Variants in KCNMA1 observed in about 807,000 individuals in gnomAD.
KCNMA1 encodes potassium calcium-activated channel subfamily M alpha 1.
Under a neutral mutation model 140.0 loss-of-function variants are expected in KCNMA1, and 29 were observed. That is an observed-to-expected ratio of 0.21 (90% CI 0.15 to 0.28). KCNMA1 has a LOEUF of 0.28. KCNMA1 is among the 10% of genes least tolerant of loss of function. The probability of loss-of-function intolerance (pLI) is 1.00; values close to 1 mark genes in which losing one functional copy is unlikely to be tolerated. For missense variants in KCNMA1, 880 were observed against 1,602.2 expected (o/e 0.55, Z 7.70); for synonymous variants, 612 against 611.9 (o/e 1.00, Z 0.00).
intron 9 of KCNMA1, among the ~76,000 whole-genome samples, chr10:77,092,699 G>T (rs1227966935): frequency 1.3e-5 from 2 of 152,348 alleles, no homozygotes; most frequent in East Asian, 3.9e-4. Flanking sequence ...GCATTGTAAA[G>T]TTCGAAGTTC....
chr10:77,157,809 C>T (rs1162345958), intron 5 of KCNMA1, among the ~76,000 whole-genome samples: 2 of 152,172 alleles, frequency 1.3e-5, no homozygotes, highest in Non-Finnish European at 2.9e-5. Context: ...GCCCCACTGC[C>T]TTTAATGGGA....
chr10:77,305,814 G>A (rs1421930671), intron 2 of KCNMA1, among the ~76,000 whole-genome samples: 2 of 152,152 alleles, frequency 1.3e-5, no homozygotes, highest in African/African-American at 4.8e-5. Flanking sequence ...CAAGAGTCCT[G>A]AGGCTCTGCG....
chr10:77,471,014 A>G (rs1275076767), intron 1 of KCNMA1, among the ~76,000 whole-genome samples: 1 of 152,022 alleles, frequency 6.6e-6, no homozygotes, highest in African/African-American at 2.4e-5. Context: ...CACAACACAC[A>G]TGTAACACAA....
intron 5 of KCNMA1, among the ~76,000 whole-genome samples, chr10:77,146,075 C>T (rs574541669): frequency 2.0e-5 from 3 of 152,260 alleles, no homozygotes; most frequent in South Asian, 2.1e-4. Context: ...ATTGGGGATA[C>T]AAATGTGATT....
intron 20 of KCNMA1, among the ~76,000 whole-genome samples, chr10:76,963,519 G>A (rs2072566824): frequency 6.6e-6 from 1 of 152,198 alleles, no homozygotes; most frequent in Admixed American, 6.5e-5. Flanking sequence ...TAAGGCTGTA[G>A]TTCTATTCAG....
chr10:77,119,880 C>T (rs568257978), intron 6 of KCNMA1, among the ~76,000 whole-genome samples: 5 of 152,186 alleles, frequency 3.3e-5, no homozygotes, highest in Admixed American at 2.0e-4. Context: ...AGAGAGGAAA[C>T]CAATTTGGAA....
At chr10:77,433,229 T>G (rs2097188363) in intron 1 of KCNMA1, among the ~76,000 whole-genome samples, 1 of 152,212 alleles carries the variant, frequency 6.6e-6, no homozygotes, top group Non-Finnish European at 1.5e-5. Flanking sequence ...CTCCGCTCAC[T>G]GCAACATCCA....
chr10:76,983,997 A>C (rs2080402933), intron 19 of KCNMA1, among the ~76,000 whole-genome samples: 1 of 152,182 alleles, frequency 6.6e-6, no homozygotes, highest in South Asian at 2.1e-4. Flanking sequence ...TTTTGCTTGC[A>C]CATTTGATTT....
intron 5 of KCNMA1, among the ~76,000 whole-genome samples, chr10:77,139,919 G>C (rs190615444): frequency 6.6e-6 from 1 of 152,120 alleles, no homozygotes; most frequent in Admixed American, 6.5e-5. Flanking sequence ...ATTATCGATA[G>C]GTCCAAATGC....
chr10:77,582,144 A>G (rs950815837), intron 1 of KCNMA1, among the ~76,000 whole-genome samples: 1 of 152,222 alleles, frequency 6.6e-6, no homozygotes, highest in Non-Finnish European at 1.5e-5. Context: ...CAAAAGCAGA[A>G]TCTGTCCCCG....
At chr10:77,160,821 T>C (rs933659710) in intron 5 of KCNMA1, among the ~76,000 whole-genome samples, 2 of 152,214 alleles carry the variant, frequency 1.3e-5, no homozygotes, top group Non-Finnish European at 2.9e-5. Context: ...TTGTTAGTCA[T>C]TGAGGCCACT....
chr10:77,333,970 A>C (rs1713721829), intron 2 of KCNMA1, among the ~76,000 whole-genome samples: 1 of 152,200 alleles, frequency 6.6e-6, no homozygotes, highest in South Asian at 2.1e-4. Context: ...TAAATGAATA[A>C]AGAAACATAT....
At chr10:77,422,104 A>G (rs1334992120) in intron 1 of KCNMA1, among the ~76,000 whole-genome samples, 2 of 152,358 alleles carry the variant, frequency 1.3e-5, no homozygotes, top group East Asian at 3.9e-4. Context: ...AATGCTGCCC[A>G]CACTCATTTT....
chr10:77,577,873 G>C (rs2074699048), intron 1 of KCNMA1, among the ~76,000 whole-genome samples: 1 of 152,172 alleles, frequency 6.6e-6, no homozygotes, highest in Non-Finnish European at 1.5e-5. Flanking sequence ...GGTGCTTTCT[G>C]TGCCCACATT....
chr10:76,964,579 T>C (rs1391148327), intron 20 of KCNMA1, among the ~76,000 whole-genome samples: 1 of 152,178 alleles, frequency 6.6e-6, no homozygotes. Context: ...CATTAAGAGA[T>C]GAATTTACTT....
intron 1 of KCNMA1, among the ~76,000 whole-genome samples, chr10:77,597,337 A>G (rs959083054): frequency 1.3e-5 from 2 of 152,186 alleles, no homozygotes; most frequent in Admixed American, 6.5e-5. Flanking sequence ...TTTCTAATGC[A>G]TATTTCAAAG....
At chr10:77,566,274 T>C (rs1459323830) in intron 1 of KCNMA1, among the ~76,000 whole-genome samples, 2 of 152,164 alleles carry the variant, frequency 1.3e-5, no homozygotes, top group Non-Finnish European at 2.9e-5. Flanking sequence ...CCAGGAAACA[T>C]GGAAGTTGGC....
At chr10:77,097,603 G>A (rs1413473568) in intron 9 of KCNMA1, among the ~76,000 whole-genome samples, 1 of 152,034 alleles carries the variant, frequency 6.6e-6, no homozygotes, top group African/African-American at 2.4e-5. Context: ...AGTTTGTAAG[G>A]GATCTGTACA....
rs146759787 is a variant in KCNMA1 at position 76,986,386 on chromosome 10, A to G, written c.2266+15021T>C. On this transcript the variant is annotated intron_variant, in intron 19 of 27. Transcript: ENST00000286628. ...ATGTGTGAAGAGAACCAAATGTCAC[A>G]ATGCTTGCTTTGAGAACGAAGTGTC... 3.1e-3 allele frequency among the ~76,000 whole-genome samples: 466 copies of G among 152,372 alleles called. 3 individuals carry two copies. The highest frequency in any genetic ancestry group is 5.3e-3 in the Non-Finnish European group (359 of 68,038).
Sources: gnomAD v4.1 joint callset for allele counts (sites outside exome capture counted in the v4.1 genomes callset) on GRCh38, gnomAD v4.1.1 for gene constraint, MANE v1.5 for transcripts, NCBI Gene and HGNC (gene_info 2026-07-23, HGNC 2026-07-21) for gene names.